SLCO3A1: variants seen among roughly 807,000 people sequenced by gnomAD.
SLCO3A1 encodes solute carrier organic anion transporter family member 3A1.
In SLCO3A1, 27 loss-of-function variants were observed where a neutral mutation model predicts 63.1. The ratio of observed to expected loss-of-function variants is 0.43; its 90% CI spans 0.32 to 0.59. The LOEUF is 0.59. SLCO3A1 is among the 20% of genes least tolerant of loss of function. The probability of loss-of-function intolerance (pLI) is 0.09; values close to 1 mark genes in which losing one functional copy is unlikely to be tolerated. For missense variants in SLCO3A1, 773 were observed against 945.8 expected (o/e 0.82, Z 2.40); for synonymous variants, 473 against 409.9 (o/e 1.15, Z -1.86).
chr15:92,113,379 A>G (rs2047753282), intron 4 of SLCO3A1, among the ~76,000 whole-genome samples: 1 of 152,116 alleles, frequency 6.6e-6, no homozygotes, highest in African/African-American at 2.4e-5. Flanking sequence ...AAAGGAATCA[A>G]TAGAATTGAT....
chr15:91,938,481 T>C (rs1324592994), intron 2 of SLCO3A1, among the ~76,000 whole-genome samples: 1 of 130,600 alleles, frequency 7.7e-6, no homozygotes, highest in Non-Finnish European at 1.6e-5. Context: ...TGGTTTTTTT[T>C]GTTTTTTTTT....
At chr15:92,070,659 T>A (rs1474377000) in intron 2 of SLCO3A1, among the ~76,000 whole-genome samples, 1 of 116,924 alleles carries the variant, frequency 8.6e-6, no homozygotes, top group Admixed American at 9.5e-5. Flanking sequence ...TTTTTTTTTT[T>A]TTGAGACAGA....
intron 3 of SLCO3A1, chr15:92,098,066 A>C (rs1175208973): frequency 1.3e-5 from 2 of 152,404 alleles, no homozygotes; most frequent in African/African-American, 4.8e-5. Flanking sequence ...ATTGGGGTCC[A>C]GGAAAAGCAG....
At chr15:91,999,431 A>G (rs2046227833) in intron 2 of SLCO3A1, among the ~76,000 whole-genome samples, 1 of 152,252 alleles carries the variant, frequency 6.6e-6, no homozygotes, top group African/African-American at 2.4e-5. Flanking sequence ...AAAAATGGGT[A>G]TAAAATAGGA....
intron 2 of SLCO3A1, among the ~76,000 whole-genome samples, chr15:92,013,744 C>G (rs1049257102): frequency 2.3e-4 from 35 of 152,260 alleles, no homozygotes; most frequent in Non-Finnish European, 4.0e-4. Flanking sequence ...GTCCTGCTGG[C>G]AGGGGATGTT....
At chr15:91,889,247 C>T (rs1277424518) in intron 1 of SLCO3A1, 1 of 988,388 alleles carries the variant, frequency 1.0e-6, no homozygotes, top group Non-Finnish European at 1.4e-6. Flanking sequence ...TGTGGGTGGT[C>T]CTGCTGGACC....
At chr15:91,965,721 G>GGTGTGTGTGTGTGTGTGTGT (rs35543509) in intron 2 of SLCO3A1, among the ~76,000 whole-genome samples, 1 of 147,566 alleles carries the variant, frequency 6.8e-6, no homozygotes, top group African/African-American at 2.5e-5. Context: ...CAGCCAGCAG[G>GGTGTGTGTGTGTGTGTGTGT]GTGTGTGTGT....
At chr15:92,065,688 C>T (rs2047142567) in intron 2 of SLCO3A1, among the ~76,000 whole-genome samples, 1 of 152,110 alleles carries the variant, frequency 6.6e-6, no homozygotes, top group Non-Finnish European at 1.5e-5. Context: ...TAGCTCTTTT[C>T]AAGAAATCAT....
chr15:92,036,519 T>A (rs1438319035), intron 2 of SLCO3A1, among the ~76,000 whole-genome samples: 1 of 152,188 alleles, frequency 6.6e-6, no homozygotes, highest in Non-Finnish European at 1.5e-5. Flanking sequence ...GCGGCATTGC[T>A]TAACCCAACC....
chr15:92,072,912 A>AT (rs1157662426), intron 2 of SLCO3A1, among the ~76,000 whole-genome samples: 6 of 152,032 alleles, frequency 3.9e-5, no homozygotes, highest in East Asian at 3.9e-4. Context: ...ACATAGACAT[A>AT]TTTTTTTTGA....
chr15:91,910,440 G>A (rs111814122), intron 1 of SLCO3A1, among the ~76,000 whole-genome samples: 1,526 of 152,336 alleles, frequency 0.01, 28 homozygotes, highest in African/African-American at 0.035. Flanking sequence ...TCACAGAGCA[G>A]GCACTTGGCT....
chr15:92,066,501 C>A (rs920594802), intron 2 of SLCO3A1, among the ~76,000 whole-genome samples: 2 of 152,224 alleles, frequency 1.3e-5, no homozygotes, highest in Non-Finnish European at 2.9e-5. Flanking sequence ...AACCTGAACA[C>A]TCTTGAACAA....
chr15:91,880,959 A>G (rs1471243159), intron 1 of SLCO3A1, among the ~76,000 whole-genome samples: 1 of 152,162 alleles, frequency 6.6e-6, no homozygotes, highest in African/African-American at 2.4e-5. Context: ...AATTTGGTGG[A>G]GAGAGCAGAA....
intron 9 of SLCO3A1, among the ~76,000 whole-genome samples, chr15:92,159,445 A>G (rs1596157801): frequency 6.6e-6 from 1 of 151,708 alleles, no homozygotes; most frequent in South Asian, 2.1e-4. Flanking sequence ...AGATCATGCC[A>G]CTGCACTCCA....
chr15:92,138,120 A>T (rs1203418223), intron 7 of SLCO3A1, among the ~76,000 whole-genome samples: 1 of 116,604 alleles, frequency 8.6e-6, no homozygotes, highest in Non-Finnish European at 1.7e-5. Flanking sequence ...CTAATGTTTA[A>T]GTCTTTAATC....
chr15:92,155,299 A>T (rs1345060359), intron 9 of SLCO3A1: 2 of 152,218 alleles, frequency 1.3e-5, no homozygotes, highest in Non-Finnish European at 2.9e-5. Flanking sequence ...CGTTACACCA[A>T]ATTAAATTAT....
chr15:92,149,580 A>T (rs188856228), intron 8 of SLCO3A1: 58 of 152,346 alleles, frequency 3.8e-4, no homozygotes, highest in African/African-American at 1.2e-3. Flanking sequence ...CAGTGTTCTC[A>T]AGGTCACCCA....
intron 2 of SLCO3A1, among the ~76,000 whole-genome samples, chr15:91,953,629 T>A (rs1900072221): frequency 6.6e-6 from 1 of 152,132 alleles, no homozygotes; most frequent in African/African-American, 2.4e-5. Context: ...TGGAGGCAGT[T>A]GGCTGCCACC....
At chr15:92,147,246 G>A in intron 8 of SLCO3A1, 87 bp downstream of exon 8, 1 of 1,344,312 alleles carries the variant, frequency 7.4e-7, no homozygotes, top group Non-Finnish European at 1.0e-6. Context: ...TCAGACAACA[G>A]GAATCTCTCG....
Sources: allele counts gnomAD v4.1 joint callset (sites outside exome capture counted in the v4.1 genomes callset), GRCh38; gene constraint gnomAD v4.1.1; transcripts MANE v1.5; gene names NCBI Gene and HGNC (gene_info 2026-07-23, HGNC 2026-07-21).